PRKG1: variants seen among roughly 807,000 people sequenced by gnomAD.
PRKG1 encodes the protein cGMP-dependent protein kinase 1.
PRKG1 carries 35 observed loss-of-function variants against 88.1 expected under a neutral mutation model. The observed-to-expected ratio is 0.40, with a 90% CI of 0.30 to 0.53. PRKG1 has a LOEUF of 0.53. PRKG1 is among the 20% of genes least tolerant of loss of function. The pLI is 0.59. For synonymous variants in PRKG1, 303 were observed against 292.5 expected, an observed-to-expected ratio of 1.04 and a Z score of -0.37; for missense variants, 540 against 839.8, an observed-to-expected ratio of 0.64 and a Z score of 4.41.
At chr10:51,636,086 C>T (rs180765022) in intron 3 of PRKG1, among the ~76,000 whole-genome samples, 1 of 152,134 alleles carries the variant, frequency 6.6e-6, no homozygotes, top group East Asian at 1.9e-4. Context: ...TGTTAGGTGG[C>T]TTGGTCTTAT....
intron 3 of PRKG1, chr10:51,696,221 T>G (rs1254912058): frequency 6.6e-6 from 1 of 151,752 alleles, no homozygotes; most frequent in Non-Finnish European, 1.5e-5. Flanking sequence ...AAAAGTAGAT[T>G]ATGAAATAAG....
At chr10:51,352,334 C>T (rs535830970) in intron 2 of PRKG1, among the ~76,000 whole-genome samples, 60 of 151,570 alleles carry the variant, frequency 4.0e-4, no homozygotes, top group Non-Finnish European at 5.0e-4. Context: ...TAAATTACTT[C>T]GGGAAGTATG....
intron 1 of PRKG1, among the ~76,000 whole-genome samples, chr10:51,077,447 T>C (rs920576686): frequency 2.6e-5 from 4 of 152,194 alleles, no homozygotes; most frequent in African/African-American, 7.2e-5. Flanking sequence ...CCCGCTAATG[T>C]TCTGTTCATT....
intron 2 of PRKG1, among the ~76,000 whole-genome samples, chr10:51,281,743 G>A (rs929682252): frequency 4.6e-5 from 7 of 152,094 alleles, no homozygotes; most frequent in African/African-American, 1.4e-4. Flanking sequence ...GTAAGGGGTA[G>A]GGGCAGTGAC....
At chr10:51,736,371 C>A (rs1589244847) in intron 3 of PRKG1, among the ~76,000 whole-genome samples, 1 of 152,252 alleles carries the variant, frequency 6.6e-6, no homozygotes, top group East Asian at 1.9e-4. Context: ...CCACTTCAGC[C>A]TCCCGAAGTG....
intron 4 of PRKG1, among the ~76,000 whole-genome samples, chr10:51,863,041 C>T (rs1331695439): frequency 1.3e-5 from 2 of 152,100 alleles, no homozygotes; most frequent in African/African-American, 4.8e-5. Context: ...ATCCTCTTTT[C>T]TCTTTCTCTT....
At chr10:51,665,146 C>A in intron 3 of PRKG1, among the ~76,000 whole-genome samples, 1 of 152,070 alleles carries the variant, frequency 6.6e-6, no homozygotes, top group East Asian at 1.9e-4. Context: ...GAATCGTTAT[C>A]TGGGCATAAA....
intron 9 of PRKG1, among the ~76,000 whole-genome samples, chr10:52,244,933 C>T (rs1304606498): frequency 7.2e-6 from 1 of 138,468 alleles, no homozygotes; most frequent in East Asian, 2.1e-4. Flanking sequence ...TTTAAATATA[C>T]TTTAAATATA....
chr10:51,406,530 C>G (rs188178377), intron 2 of PRKG1, among the ~76,000 whole-genome samples: 1 of 151,970 alleles, frequency 6.6e-6, no homozygotes, highest in Non-Finnish European at 1.5e-5. Context: ...CTTGAAGACC[C>G]AGATTCTCTA....
At chr10:52,142,016 C>T (rs1337595344) in intron 8 of PRKG1, among the ~76,000 whole-genome samples, 1 of 152,100 alleles carries the variant, frequency 6.6e-6, no homozygotes, top group African/African-American at 2.4e-5. Flanking sequence ...CAGGTATACT[C>T]AAATCACACT....
intron 2 of PRKG1, among the ~76,000 whole-genome samples, chr10:51,164,810 G>C (rs951847788): frequency 6.6e-5 from 10 of 152,174 alleles, no homozygotes; most frequent in East Asian, 5.8e-4. Flanking sequence ...GATGGAAGAT[G>C]AAATGAATGA....
intron 1 of PRKG1, among the ~76,000 whole-genome samples, chr10:51,138,692 T>TC (rs1474363492): frequency 4.4e-5 from 6 of 136,482 alleles, no homozygotes; most frequent in African/African-American, 1.6e-4. Context: ...TTTTTTTTTT[T>TC]TTTTTTTTTG....
chr10:51,611,514 GTATTCTGGA>G (rs1838908679), intron 3 of PRKG1, among the ~76,000 whole-genome samples: 1 of 150,376 alleles, frequency 6.6e-6, no homozygotes, highest in Non-Finnish European at 1.5e-5. Flanking sequence ...GTTTCTTTGT[GTATTCTGGA>G]TATTAGCCCC....
intron 2 of PRKG1, among the ~76,000 whole-genome samples, chr10:51,392,804 C>T (rs1396728133): frequency 6.2e-5 from 9 of 145,890 alleles, no homozygotes; most frequent in South Asian, 2.2e-4. Flanking sequence ...GCTGGCCGGG[C>T]GGGGGGCTGA....
chr10:51,883,517 G>A (rs984662233), intron 4 of PRKG1, among the ~76,000 whole-genome samples: 3 of 152,160 alleles, frequency 2.0e-5, no homozygotes, highest in African/African-American at 7.2e-5. Flanking sequence ...CAGTATTGAG[G>A]TAATCATGAT....
intron 7 of PRKG1, among the ~76,000 whole-genome samples, chr10:52,066,030 C>T (rs1359988523): frequency 1.3e-5 from 2 of 152,190 alleles, no homozygotes; most frequent in South Asian, 2.1e-4. Context: ...CATTTCCTCA[C>T]ATCTCTTTCT....
In PRKG1 at chr10:52,296,863, A is replaced by C. The variant is rs1396168340; in HGVS notation, c.*2963A>C. 3 of 152,114 alleles carry C rather than the reference A, an allele frequency of 2.0e-5. No homozygotes were observed. The highest frequency in any genetic ancestry group is 4.4e-5 in the Non-Finnish European group (3 of 67,968). The allele number at this position is 152,114 out of a possible 1,614,324, so 9.4% of individuals were successfully genotyped here. A position where few individuals can be genotyped will look rare whatever the true frequency, so the allele number is the denominator to read the frequency against. On this transcript the variant is annotated 3_prime_UTR_variant, in exon 18 of 18. Coordinates refer to ENST00000373980, the MANE Select transcript of PRKG1 (RefSeq NM_006258.4). ...CAGATCCATGTGGCATTCAAAACAA[A>C]TTTATTTTGGTTATATTCTTTACAA... is the stretch of plus-strand genomic sequence containing the variant.
At position 52,185,768 on chromosome 10, in the gene PRKG1, A is replaced by T. The variant is rs112486999; in HGVS notation, c.1076+23805A>T. Reference sequence around the variant, plus strand: ...TGCATTTCGTGCACCTGCTGACTTTACACCACAGGGAAGCCACCAGGGATT... The same window carrying T: ...TGCATTTCGTGCACCTGCTGACTTTTCACCACAGGGAAGCCACCAGGGATT... On this transcript the variant is annotated intron_variant, in intron 9 of 17. Coordinates refer to ENST00000373980, the MANE Select transcript of PRKG1 (RefSeq NM_006258.4). Among the ~76,000 whole-genome samples the T allele has an allele frequency of 1.3e-3, 191 of 152,282 alleles. 1 individual carries two copies. Among genetic ancestry groups the T allele is most frequent in the African/African-American group, 4.2e-3 (176 of 41,562 alleles).
chr10:51,647,323 A>G (rs535006998), intron 3 of PRKG1, among the ~76,000 whole-genome samples: 3 of 152,268 alleles, frequency 2.0e-5, no homozygotes, highest in Admixed American at 1.3e-4. Context: ...TTTCTTCATC[A>G]ATATAATTGA....
Sources: gnomAD v4.1 joint callset for allele counts (sites outside exome capture counted in the v4.1 genomes callset) on GRCh38, gnomAD v4.1.1 for gene constraint, MANE v1.5 for transcripts, NCBI Gene and HGNC (gene_info 2026-07-23, HGNC 2026-07-21) for gene names.